Variants in ANGPT2 observed in about 807,000 individuals in gnomAD.
ANGPT2 encodes the protein angiopoietin-2.
A neutral mutation model predicts 62.9 loss-of-function variants in ANGPT2; 28 were observed. That is an observed-to-expected ratio of 0.44 (90% confidence interval 0.33 to 0.61). The LOEUF (loss-of-function observed/expected upper bound fraction) is 0.61. Among genes scored for constraint, ANGPT2 ranks in the 20% least tolerant of loss-of-function variants. The probability of loss-of-function intolerance (pLI) is 0.03; values close to 1 mark genes in which losing one functional copy is unlikely to be tolerated. For missense variants in ANGPT2, 727 were observed against 594.9 expected, an observed-to-expected ratio of 1.22 and a Z score of -2.31; for synonymous variants, 284 against 207.8, an observed-to-expected ratio of 1.37 and a Z score of -3.15.
Position 6,500,183 on chromosome 8 carries a change from G to C in ANGPT2, c.*2918C>G, listed in dbSNP as rs1586139376. 1 of 476,090 alleles carries C rather than the reference G, an allele frequency of 2.1e-6. No individual in the cohort carries two copies. The highest frequency in any genetic ancestry group is 4.0e-5 in the East Asian group (1 of 25,290). The allele number at this position is 476,090 out of a possible 1,614,324, so 29.5% of individuals were successfully genotyped here. On this transcript the variant is annotated 3_prime_UTR_variant, in exon 9 of 9. Coordinates refer to ENST00000629816, the MANE Select transcript of ANGPT2 (RefSeq NM_001118887.2). ...TGACGATTAACATCCTCAGAACTGA[G>C]AAAAACAAAAATGAAAAAAGACTGA...
In ANGPT2 at chr8:6,544,726, A is replaced by G. The variant is rs17077470; in HGVS notation, c.289-12239T>C. ...ATGGCACTCTAAGAAGGAATTCATT[A>G]AGATAAAGACACAGATACAGCATTT... On this transcript the variant is annotated intron_variant, in intron 1 of 8. Coordinates refer to ENST00000629816, the MANE Select transcript of ANGPT2 (RefSeq NM_001118887.2). Among the ~76,000 whole-genome samples the G allele has an allele frequency of 0.017, 2,550 of 152,316 alleles. 159 individuals are homozygous for G. The East Asian group carries it at 0.17, about 10-fold the overall frequency.
intron 1 of ANGPT2, among the ~76,000 whole-genome samples, chr8:6,542,376 T>TTGTG (rs892046037): frequency 6.6e-6 from 1 of 151,708 alleles, no homozygotes; most frequent in African/African-American, 2.4e-5. Context: ...ATTCCAAAAC[T>TTGTG]TGTGTGTGTG....
intron 8 of ANGPT2, chr8:6,507,919 T>C (rs987711967): frequency 3.3e-5 from 5 of 152,166 alleles, no homozygotes; most frequent in African/African-American, 4.8e-5. Context: ...ATTCCTATGT[T>C]TGAACTCTCA....
chr8:6,509,658 A>T (rs1459787877), intron 7 of ANGPT2, among the ~76,000 whole-genome samples: 1 of 152,236 alleles, frequency 6.6e-6, no homozygotes, highest in Non-Finnish European at 1.5e-5. Flanking sequence ...CACTATTTAC[A>T]ATACAGACGA....
intron 1 of ANGPT2, among the ~76,000 whole-genome samples, chr8:6,541,078 C>T (rs978830639): frequency 1.3e-5 from 2 of 152,180 alleles, no homozygotes; most frequent in Admixed American, 6.5e-5. Flanking sequence ...GAGCCAACGT[C>T]CCTAGGCATG....
chr8:6,547,535 T>G (rs1341333353), intron 1 of ANGPT2, among the ~76,000 whole-genome samples: 2 of 152,214 alleles, frequency 1.3e-5, no homozygotes, highest in African/African-American at 4.8e-5. Flanking sequence ...CCAGAGATGT[T>G]TCTCTGTTTA....
intron 3 of ANGPT2, among the ~76,000 whole-genome samples, chr8:6,524,547 G>C (rs909443631): frequency 1.3e-5 from 2 of 152,168 alleles, no homozygotes; most frequent in African/African-American, 4.8e-5. Flanking sequence ...GTGATAGTTG[G>C]GTTCAGATCA....
rs763395715 is a variant in ANGPT2 at position 6,501,105 on chromosome 8, C to G, written c.*1996G>C. On this transcript the variant is annotated 3_prime_UTR_variant, in exon 9 of 9. Coordinates refer to ENST00000629816, the MANE Select transcript of ANGPT2 (RefSeq NM_001118887.2). ...TCTTAAATATAAAGTAGATACAGTT[C>G]TAAGATAGGGAGGTTCTTAACTAGT... The G allele has an allele frequency of 6.6e-6, 1 of 152,156 alleles. No homozygotes were observed. The highest frequency in any genetic ancestry group is 1.5e-5 in the Non-Finnish European group (1 of 68,036). The allele number at this position is 152,156 out of a possible 1,614,324, so 9.4% of individuals were successfully genotyped here. A position where few individuals can be genotyped will look rare whatever the true frequency, so the allele number is the denominator to read the frequency against.
intron 8 of ANGPT2, 136 bp from the exon 9 acceptor site, chr8:6,503,397 G>A (rs1812592491): frequency 2.5e-6 from 2 of 808,196 alleles, no homozygotes; most frequent in Non-Finnish European, 4.0e-6. Flanking sequence ...GGTGAGTATA[G>A]GATGTGCACT....
At chr8:6,508,680 C>A in intron 8 of ANGPT2, 1 of 597,894 alleles carries the variant, frequency 1.7e-6, no homozygotes, top group Non-Finnish European at 2.9e-6. Flanking sequence ...CAAATATCCC[C>A]TCTCCTTGCC....
Position 6,499,756 on chromosome 8 carries a change from G to C in ANGPT2, c.*3345C>G, listed in dbSNP as rs1586135896. The C allele has an allele frequency of 3.0e-6, 3 of 992,716 alleles. No individual in the cohort carries two copies. The African/African-American group carries it at 4.7e-5, about 16-fold the overall frequency. 61.5% of individuals were successfully genotyped at this position (992,716 alleles called of 1,614,324 possible). A position where few individuals can be genotyped will look rare whatever the true frequency, so the allele number is the denominator to read the frequency against. ...CACATCTATTTCAGATCTGCGGAGT[G>C]TATCACTTTTTGCTGTGTCTTCAAA... On this transcript the variant is annotated 3_prime_UTR_variant, in exon 9 of 9. Transcript: ENST00000629816.
intron 7 of ANGPT2, among the ~76,000 whole-genome samples, chr8:6,511,121 C>A (rs1022613283): frequency 6.6e-6 from 1 of 152,164 alleles, no homozygotes; most frequent in African/African-American, 2.4e-5. Context: ...AAATTATCCC[C>A]AGAGGCAAGA....
At chr8:6,523,672 C>G (rs138320104) in intron 3 of ANGPT2, among the ~76,000 whole-genome samples, 137 of 152,276 alleles carry the variant, frequency 9.0e-4, no homozygotes, top group African/African-American at 3.0e-3. Context: ...TCGCTGCAAC[C>G]TCCGCCTCCC....
chr8:6,542,126 A>T (rs1379693826), intron 1 of ANGPT2, among the ~76,000 whole-genome samples: 1 of 152,164 alleles, frequency 6.6e-6, no homozygotes, highest in African/African-American at 2.4e-5. Context: ...CTTCCTTTTT[A>T]AATGAAACTA....
intron 8 of ANGPT2, among the ~76,000 whole-genome samples, chr8:6,505,351 CTTTCT>C (rs1813266262): frequency 2.7e-5 from 1 of 37,076 alleles, no homozygotes; most frequent in African/African-American, 1.2e-4. Context: ...TATATATATT[CTTTCT>C]ATATGTATAT....
intron 2 of ANGPT2, 28 bp downstream of exon 2, chr8:6,532,304 A>G (rs573312677): frequency 1.2e-6 from 2 of 1,613,886 alleles, no homozygotes; most frequent in Non-Finnish European, 1.7e-6. Context: ...CTGCAGGGAC[A>G]CCGTGTGCTT....
At chr8:6,522,756 A>G (rs1817608494) in intron 3 of ANGPT2, among the ~76,000 whole-genome samples, 1 of 151,372 alleles carries the variant, frequency 6.6e-6, no homozygotes, top group South Asian at 2.1e-4. Flanking sequence ...CCTGGGCAAC[A>G]GAGCGAGACA....
Position 6,527,547 on chromosome 8 carries a change from G to T in ANGPT2, c.566+8C>A. 6.2e-7 allele frequency: 1 copy of T among 1,612,866 alleles called. No homozygotes were observed. Among genetic ancestry groups the T allele is most frequent in the Non-Finnish European group, 8.5e-7 (1 of 1,179,550 alleles). Reference sequence around the variant, plus strand: ...CCTGAATTATAAATGTTTTAGTACTGTTATTACCTGTTCTTATCTTGCAAT... The same window carrying T: ...CCTGAATTATAAATGTTTTAGTACTTTTATTACCTGTTCTTATCTTGCAAT... On this transcript the variant is annotated splice_region_variant and intron_variant, in intron 3 of 8. Transcript: ENST00000629816.
chr8:6,551,345 C>T (rs1823619427), intron 1 of ANGPT2, among the ~76,000 whole-genome samples: 1 of 152,126 alleles, frequency 6.6e-6, no homozygotes, highest in African/African-American at 2.4e-5. Context: ...TGCATGTCAG[C>T]TGCAACGCCT....
Sources: gnomAD v4.1 joint callset for allele counts (sites outside exome capture counted in the v4.1 genomes callset) on GRCh38, gnomAD v4.1.1 for gene constraint, MANE v1.5 for transcripts, NCBI Gene and HGNC (gene_info 2026-07-23, HGNC 2026-07-21) for gene names.